The following DNASE1L2 variants were observed in gnomAD, a reference collection of about 807,000 sequenced individuals.
DNASE1L2 encodes deoxyribonuclease 1 like 2.
DNASE1L2 carries 35 observed loss-of-function variants against 31.8 expected under a neutral mutation model. That is an observed-to-expected ratio of 1.10 (90% CI 0.84 to 1.46). DNASE1L2 has a LOEUF of 1.46. DNASE1L2 is among the 40% of genes most tolerant of loss of function. DNASE1L2 has a pLI of 0.00. For missense variants in DNASE1L2, 504 were observed against 418.8 expected, an observed-to-expected ratio of 1.20 and a Z score of -1.77; for synonymous variants, 211 against 186.5, an observed-to-expected ratio of 1.13 and a Z score of -1.07.
rs571903261 is a variant in DNASE1L2 at position 2,237,042 on chromosome 16, T to G, written c.149T>G (p.Leu50Arg). Reference sequence around the variant, plus strand: ...GCACCCGCCGCTCCTCCCCAGATCCTGGCTGGCTATGACCTCGCGCTGGTG... The same window carrying G: ...GCACCCGCCGCTCCTCCCCAGATCCGGGCTGGCTATGACCTCGCGCTGGTG... Reference protein sequence around the residue: ...PACGSIIAKILAGYDLALVQE... With the variant: ...PACGSIIAKIRAGYDLALVQE... The change falls in exon 3 of 7, where the codon CTG becomes CGG. Residue 50 changes from leucine to arginine, a missense_variant. Physicochemically the swap from Leu to Arg is moderately radical, Grantham distance 102. Transcript: ENST00000320700. The G allele has an allele frequency of 6.5e-7, 1 of 1,549,272 alleles. No individual in the cohort carries two copies. The highest frequency in any genetic ancestry group is 1.2e-5 in the South Asian group (1 of 84,086).
chr16:2,238,115 A>T (rs917924799), intron 6 of DNASE1L2, 97 bp downstream of exon 6: 3 of 1,482,290 alleles, frequency 2.0e-6, no homozygotes, highest in Non-Finnish European at 2.7e-6. Context: ...GGGCCACCTC[A>T]GCTTCCTCCC....
Position 2,238,590 on chromosome 16 carries a change from AT to A in DNASE1L2, c.*173del. The A allele has an allele frequency of 1.3e-6, 1 of 763,960 alleles. No homozygotes were observed. The highest frequency in any genetic ancestry group is 2.2e-6 in the Non-Finnish European group (1 of 463,000). The allele number at this position is 763,960 out of a possible 1,614,324, so 47.3% of individuals were successfully genotyped here. On this transcript the variant is annotated 3_prime_UTR_variant, in exon 7 of 7. Transcript: ENST00000320700. ...GTGCTGCTCTGTACCTCCGTTCCCC[AT>A]CTGTGGGACGGGCTGCATCCAGCGA...
At position 2,237,061 on chromosome 16, in the gene DNASE1L2, G is replaced by T. The variant is rs745395268; in HGVS notation, c.168G>T (p.Ala56=). ...IAKILAGYDL[A]LVQEVRDPDL... is the part of the protein sequence containing the mutation. The stretch of plus-strand genomic sequence containing the variant: ...AGATCCTGGCTGGCTATGACCTCGC[G>T]CTGGTGCAGGAGGTGCGAGACCCAG... The change falls in exon 3 of 7, where the codon GCG becomes GCT. Residue 56 remains alanine, a synonymous_variant. Coordinates refer to ENST00000320700, the MANE Select transcript of DNASE1L2 (RefSeq NM_001374.3). The T allele has an allele frequency of 4.3e-5, 67 of 1,549,334 alleles. No homozygotes were observed. The highest frequency in any genetic ancestry group is 3.4e-4 in the Middle Eastern group (2 of 5,804).
chr16:2,237,065 G>GT lies in DNASE1L2; in HGVS notation c.173dup (p.Gln59AlafsTer83). 6.5e-7 allele frequency: 1 copy of GT among 1,549,514 alleles called. No homozygotes were observed. The highest frequency in any genetic ancestry group is 1.2e-5 in the South Asian group (1 of 84,144). On this transcript the variant is annotated frameshift_variant, in exon 3 of 7. Transcript: ENST00000320700. LOFTEE classifies it high-confidence loss of function. ...CCTGGCTGGCTATGACCTCGCGCTG[G>GT]TGCAGGAGGTGCGAGACCCAGACCT...
intron 6 of DNASE1L2, 65 bp downstream of exon 6, chr16:2,238,083 G>A (rs968855063): frequency 4.6e-6 from 7 of 1,522,736 alleles, no homozygotes; most frequent in Non-Finnish European, 6.2e-6. Context: ...CAGGCAGCAG[G>A]GAGGGTCCAG....
At position 2,236,950 on chromosome 16, in the gene DNASE1L2, T is replaced by G. The variant is rs745485688; in HGVS notation, c.134T>G (p.Ile45Ser). ...SKVSDPACGS[I>S]IAKILAGYDL... ...GTGTCGGACCCCGCTTGCGGCAGCA[T>G]CATCGCGAAGGTGGGGCCCGGGCCG... Residue 45 changes from isoleucine (I) to serine (S), a missense_variant, in exon 2 of 7, where the codon ATC (isoleucine) becomes AGC (serine). Ile to Ser is a moderately radical substitution (Grantham distance 142). Transcript: ENST00000320700. The G allele has an allele frequency of 2.6e-6, 4 of 1,565,088 alleles. No homozygotes were observed. Among genetic ancestry groups the G allele is most frequent in the South Asian group, 1.2e-5 (1 of 85,860 alleles).
At position 2,237,200 on chromosome 16, in the gene DNASE1L2, G is replaced by C; in HGVS notation, c.234-18G>C. On this transcript the variant is annotated intron_variant, in intron 3 of 6. Coordinates refer to ENST00000320700, the MANE Select transcript of DNASE1L2 (RefSeq NM_001374.3). ...CCGGCGCGGCGCCCCGACCCTGAGC[G>C]GGCCCCTGTCTCCGCAGCGTGTCCG... 1 of 1,559,042 alleles carries C rather than the reference G, an allele frequency of 6.4e-7. No individual in the cohort carries two copies. Among genetic ancestry groups the C allele is most frequent in the Non-Finnish European group, 8.7e-7 (1 of 1,152,374 alleles).
chr16:2,237,337 C>G, intron 4 of DNASE1L2, 36 bp downstream of exon 4: 1 of 1,594,746 alleles, frequency 6.3e-7, no homozygotes, highest in Non-Finnish European at 8.5e-7. Flanking sequence ...CGCGCGGGGC[C>G]GCAGGTCGGG....
Position 2,237,659 on chromosome 16 carries a change from C to A in DNASE1L2, c.591+10C>A, listed in dbSNP as rs1243257219. The A allele has an allele frequency of 1.9e-6, 3 of 1,592,832 alleles. No homozygotes were observed. Among genetic ancestry groups the A allele is most frequent in the Admixed American group, 1.7e-5 (1 of 59,252 alleles). ...CAAGTGGGGCACCGACGTAAGCCCA[C>A]CCCTCGGTCCCGGGGTCCCTGCAGG... is the stretch of plus-strand genomic sequence containing the variant. On this transcript the variant is annotated intron_variant, in intron 5 of 6. Coordinates refer to ENST00000320700, the MANE Select transcript of DNASE1L2 (RefSeq NM_001374.3).
At position 2,237,024 on chromosome 16, in the gene DNASE1L2, C is replaced by A; in HGVS notation, c.145-14C>A. ...CTGACCGCGCTGACCCCCGCACCCG[C>A]CGCTCCTCCCCAGATCCTGGCTGGC... is the stretch of plus-strand genomic sequence containing the variant. On this transcript the variant is annotated splice_polypyrimidine_tract_variant and intron_variant, in intron 2 of 6. Coordinates refer to ENST00000320700, the MANE Select transcript of DNASE1L2 (RefSeq NM_001374.3). 1 of 1,548,036 alleles carries A rather than the reference C, an allele frequency of 6.5e-7. No individual in the cohort carries two copies. The highest frequency in any genetic ancestry group is 8.7e-7 in the Non-Finnish European group (1 of 1,146,568).
At position 2,238,498 on chromosome 16, in the gene DNASE1L2, G is replaced by T; in HGVS notation, c.*80G>T. The T allele has an allele frequency of 6.4e-7, 1 of 1,574,798 alleles. No individual in the cohort carries two copies. Among genetic ancestry groups the T allele is most frequent in the Non-Finnish European group, 8.7e-7 (1 of 1,147,610 alleles). ...CAACAGTGGCCCCTTCAGGGTGGCA[G>T]CCACCCTTCAGTGAGGCCCCAAGGC... is the stretch of plus-strand genomic sequence containing the variant. On this transcript the variant is annotated 3_prime_UTR_variant, in exon 7 of 7. Coordinates refer to ENST00000320700, the MANE Select transcript of DNASE1L2 (RefSeq NM_001374.3).
At chr16:2,236,751 G>A (rs2093512027) in intron 1 of DNASE1L2, 27 bp from the exon 2 acceptor site, 3 of 1,489,874 alleles carry the variant, frequency 2.0e-6, no homozygotes, top group Non-Finnish European at 2.7e-6. Context: ...GGGGTGGGTC[G>A]GTGGGTCTGA....
Position 2,238,515 on chromosome 16 carries a change from C to T in DNASE1L2, c.*97C>T, listed in dbSNP as rs755756378. 7 of 1,466,378 alleles carry T rather than the reference C, an allele frequency of 4.8e-6. No homozygotes were observed. Among genetic ancestry groups the T allele is most frequent in the Non-Finnish European group, 5.7e-6 (6 of 1,051,854 alleles). The allele number at this position is 1,466,378 out of a possible 1,614,324, so 90.8% of individuals were successfully genotyped here. A position where few individuals can be genotyped will look rare whatever the true frequency, so the allele number is the denominator to read the frequency against. ...GGGTGGCAGCCACCCTTCAGTGAGGCCCCAAGGCAGAGTCGGCTGGGCGTG... is the reference window on the plus strand; with the variant it reads ...GGGTGGCAGCCACCCTTCAGTGAGGTCCCAAGGCAGAGTCGGCTGGGCGTG... On this transcript the variant is annotated 3_prime_UTR_variant, in exon 7 of 7. Coordinates refer to ENST00000320700, the MANE Select transcript of DNASE1L2 (RefSeq NM_001374.3).
chr16:2,238,663 C>T lies in DNASE1L2; in HGVS notation c.*245C>T. On this transcript the variant is annotated 3_prime_UTR_variant, in exon 7 of 7. Coordinates refer to ENST00000320700, the MANE Select transcript of DNASE1L2 (RefSeq NM_001374.3). ...CCATGAGGGGTGCAGGGGGCACTGCCCGGCAGATGTCTGCTCAATAAATGA... is the reference window on the plus strand; with the variant it reads ...CCATGAGGGGTGCAGGGGGCACTGCTCGGCAGATGTCTGCTCAATAAATGA... 2 of 570,340 alleles carry T rather than the reference C, an allele frequency of 3.5e-6. No individual in the cohort carries two copies. Among genetic ancestry groups the T allele is most frequent in the Non-Finnish European group, 6.3e-6 (2 of 316,392 alleles). The allele number at this position is 570,340 out of a possible 1,614,324, so 35.3% of individuals were successfully genotyped here. A position where few individuals can be genotyped will look rare whatever the true frequency, so the allele number is the denominator to read the frequency against.
At chr16:2,238,218 G>A in intron 6 of DNASE1L2, 144 bp from the exon 7 acceptor site, 3 of 1,416,366 alleles carry the variant, frequency 2.1e-6, no homozygotes, top group Non-Finnish European at 1.9e-6. Flanking sequence ...TCCCTCAAAG[G>A]GCCAGTGGTG....
At position 2,236,549 on chromosome 16, in the gene DNASE1L2, C is replaced by G. The variant is rs963764708; in HGVS notation, c.-51C>G. ...GATCTCTGAGCCTCGGGCCTCTGCACCCACATCCAAGGTGAGTCTCTCGGC... is the reference window on the plus strand; with the variant it reads ...GATCTCTGAGCCTCGGGCCTCTGCAGCCACATCCAAGGTGAGTCTCTCGGC... On this transcript the variant is annotated 5_prime_UTR_variant, in exon 1 of 7. Transcript: ENST00000320700. 50 of 1,252,786 alleles carry G rather than the reference C, an allele frequency of 4.0e-5. No individual in the cohort carries two copies. The African/African-American group carries it at 7.5e-4, about 19-fold the overall frequency. 77.6% of individuals were successfully genotyped at this position (1,252,786 alleles called of 1,614,324 possible). A position where few individuals can be genotyped will look rare whatever the true frequency, so the allele number is the denominator to read the frequency against.
intron 6 of DNASE1L2, 60 bp from the exon 7 acceptor site, chr16:2,238,302 C>T: frequency 6.2e-7 from 1 of 1,604,146 alleles, no homozygotes; most frequent in Non-Finnish European, 8.5e-7. Context: ...GCCTCACCGG[C>T]CCCTCCCATC....
At chr16:2,236,667 T>A in intron 1 of DNASE1L2, 107 bp downstream of exon 1, 3 of 1,408,200 alleles carry the variant, frequency 2.1e-6, no homozygotes, top group Middle Eastern at 5.3e-4. Flanking sequence ...AGCCCAGCAG[T>A]GCCCTGGGAG....
chr16:2,237,341 G>A (rs750965487), intron 4 of DNASE1L2, 35 bp from the exon 5 acceptor site: 6 of 1,595,766 alleles, frequency 3.8e-6, no homozygotes, highest in Admixed American at 1.7e-5. Context: ...CGGGGCCGCA[G>A]GTCGGGGGCT....
Sources: allele counts gnomAD v4.1 joint callset, GRCh38; gene constraint gnomAD v4.1.1; transcripts MANE v1.5; gene names NCBI Gene and HGNC (gene_info 2026-07-23, HGNC 2026-07-21).